Variants in RCOR1 observed in about 807,000 individuals in gnomAD.
The protein encoded by RCOR1 is REST corepressor 1.
Under a neutral mutation model 64.0 loss-of-function variants are expected in RCOR1, and 12 were observed. The ratio of observed to expected loss-of-function variants is 0.19; its 90% CI spans 0.12 to 0.30. The LOEUF (loss-of-function observed/expected upper bound fraction) is 0.30. RCOR1 is among the 10% of genes least tolerant of loss of function. The pLI is 1.00. For missense variants in RCOR1, 502 were observed against 621.2 expected (o/e 0.81, Z 2.04); for synonymous variants, 279 against 227.2 (o/e 1.23, Z -2.05).
At chr14:102,641,638 G>A (rs1173972264) in intron 2 of RCOR1, among the ~76,000 whole-genome samples, 1 of 151,718 alleles carries the variant, frequency 6.6e-6, no homozygotes, top group East Asian at 1.9e-4. Context: ...CCGTTTTTTT[G>A]TACCAGCTAC....
intron 11 of RCOR1, among the ~76,000 whole-genome samples, chr14:102,725,379 CT>C (rs1566715718): frequency 6.6e-6 from 1 of 152,100 alleles, no homozygotes; most frequent in Non-Finnish European, 1.5e-5. Context: ...TCTGGGAGTC[CT>C]TTTTAAAAAA....
intron 2 of RCOR1, among the ~76,000 whole-genome samples, chr14:102,612,267 T>G (rs1410590421): frequency 2.0e-5 from 3 of 152,032 alleles, no homozygotes; most frequent in Non-Finnish European, 4.4e-5. Context: ...AGCGGTCCCC[T>G]CTTCCCAAAC....
At chr14:102,593,373 C>G (rs768322843) in intron 2 of RCOR1, 48 bp downstream of exon 2, 18 of 1,467,910 alleles carry the variant, frequency 1.2e-5, no homozygotes, top group Non-Finnish European at 1.6e-5. Flanking sequence ...GCGGGAGCCC[C>G]GGGTCCCCGG....
intron 2 of RCOR1, among the ~76,000 whole-genome samples, chr14:102,616,831 A>T (rs1169020171): frequency 6.6e-6 from 1 of 152,154 alleles, no homozygotes; most frequent in East Asian, 1.9e-4. Flanking sequence ...CGTAGGGATG[A>T]CTGATTAAAT....
intron 2 of RCOR1, among the ~76,000 whole-genome samples, chr14:102,678,060 A>C (rs1895227165): frequency 6.6e-6 from 1 of 151,054 alleles, no homozygotes; most frequent in Non-Finnish European, 1.5e-5. Flanking sequence ...AAAACCAGTC[A>C]GGCGTGGCGG....
chr14:102,659,342 A>T (rs1894786824), intron 2 of RCOR1: 1 of 873,208 alleles, frequency 1.1e-6, no homozygotes, highest in African/African-American at 1.8e-5. Flanking sequence ...ATTAAGGCTC[A>T]TAAAGTCTTC....
intron 3 of RCOR1, among the ~76,000 whole-genome samples, chr14:102,699,265 G>T (rs776366373): frequency 1.3e-5 from 2 of 152,206 alleles, no homozygotes; most frequent in Non-Finnish European, 2.9e-5. Flanking sequence ...TGACCTTCAA[G>T]TAAATTGAAA....
intron 2 of RCOR1, among the ~76,000 whole-genome samples, chr14:102,651,781 C>T (rs769139442): frequency 1.3e-5 from 2 of 152,114 alleles, no homozygotes; most frequent in Non-Finnish European, 2.9e-5. Context: ...TCATAGCTCA[C>T]TACTGCTGCT....
intron 8 of RCOR1, among the ~76,000 whole-genome samples, chr14:102,717,138 A>G (rs1451337982): frequency 1.3e-5 from 2 of 152,178 alleles, no homozygotes; most frequent in Non-Finnish European, 2.9e-5. Context: ...GTAGCTTATT[A>G]TTTTAATCTG....
intron 2 of RCOR1, among the ~76,000 whole-genome samples, chr14:102,613,124 T>A (rs570362430): frequency 2.6e-5 from 4 of 152,182 alleles, no homozygotes; most frequent in African/African-American, 9.6e-5. Context: ...TTTTTTGAGA[T>A]GGAGTCTTGC....
intron 2 of RCOR1, chr14:102,655,635 C>CTGG (rs1166920420): frequency 5.1e-6 from 2 of 389,150 alleles, no homozygotes; most frequent in African/African-American, 4.4e-5. Flanking sequence ...CTATCTCCCA[C>CTGG]TGGTTGTATG....
intron 3 of RCOR1, among the ~76,000 whole-genome samples, chr14:102,696,585 C>T (rs117633203): frequency 0.062 from 9,472 of 152,210 alleles, 411 homozygotes; most frequent in Middle Eastern, 0.13. Flanking sequence ...TCCTGATTAG[C>T]GTTTACTTCA....
rs866323398 is a variant in RCOR1, at chr14:102,634,871, A to T, written c.361+41546A>T. Among the ~76,000 whole-genome samples the T allele has an allele frequency of 9.0e-3, 1,242 of 137,490 alleles. 10 individuals carry two copies. Among genetic ancestry groups the T allele is most frequent in the South Asian group, 0.039 (165 of 4,266 alleles). The allele number at this position is 137,490 out of a possible 152,430, so 90.2% of individuals were successfully genotyped here. ...GCCACCATGCCTGGCTAATTTTTGT[A>T]TTTTTTTTTTTTTTTAAGTACAGAA... On this transcript the variant is annotated intron_variant, in intron 2 of 11. Transcript: ENST00000262241.
chr14:102,687,303 G>A (rs1895441763), intron 3 of RCOR1, among the ~76,000 whole-genome samples: 1 of 152,158 alleles, frequency 6.6e-6, no homozygotes, highest in South Asian at 2.1e-4. Flanking sequence ...AGTGTTTAAG[G>A]TCCCATAGCC....
At chr14:102,691,172 G>A (rs1327112797) in intron 3 of RCOR1, among the ~76,000 whole-genome samples, 3 of 152,202 alleles carry the variant, frequency 2.0e-5, no homozygotes, top group Admixed American at 6.5e-5. Flanking sequence ...AGCTGCACTG[G>A]TAAATAAGTT....
At chr14:102,623,577 T>G (rs1176090423) in intron 2 of RCOR1, among the ~76,000 whole-genome samples, 1 of 151,144 alleles carries the variant, frequency 6.6e-6, no homozygotes, top group Non-Finnish European at 1.5e-5. Context: ...CCTGGCTAAT[T>G]TTTTGTATTT....
intron 2 of RCOR1, among the ~76,000 whole-genome samples, chr14:102,600,820 T>C (rs1290236013): frequency 1.3e-5 from 2 of 151,518 alleles, no homozygotes; most frequent in African/African-American, 4.8e-5. Flanking sequence ...TCTGCCCGTC[T>C]TGGCCTCCCA....
chr14:102,649,181 A>G (rs966367317), intron 2 of RCOR1, among the ~76,000 whole-genome samples: 7 of 152,188 alleles, frequency 4.6e-5, no homozygotes, highest in Admixed American at 2.6e-4. Flanking sequence ...TAAATTAAAA[A>G]TCAGGTAAAA....
intron 2 of RCOR1, among the ~76,000 whole-genome samples, chr14:102,670,190 A>G (rs1895003510): frequency 1.3e-5 from 2 of 152,150 alleles, no homozygotes; most frequent in South Asian, 4.1e-4. Context: ...ACAGCAAGTG[A>G]TCTGCCTGCC....
Sources: allele counts gnomAD v4.1 joint callset (sites outside exome capture counted in the v4.1 genomes callset), GRCh38; gene constraint gnomAD v4.1.1; transcripts MANE v1.5; gene names NCBI Gene and HGNC (gene_info 2026-07-23, HGNC 2026-07-21).